Variants in TM2D1 observed in about 807,000 individuals in gnomAD.
TM2D1 encodes TM2 domain containing 1.
Under a neutral mutation model 28.4 loss-of-function variants are expected in TM2D1, and 15 were observed. The ratio of observed to expected loss-of-function variants is 0.53; its 90% CI spans 0.35 to 0.81. The LOEUF (loss-of-function observed/expected upper bound fraction) is 0.81. TM2D1 is among the 40% of genes least tolerant of loss of function. TM2D1 has a pLI of 0.01. For missense variants in TM2D1, 236 were observed against 254.9 expected (o/e 0.93, Z 0.50); for synonymous variants, 93 against 96.2 (o/e 0.97, Z 0.20).
chr1:61,724,830 A>G, intron 1 of TM2D1, 127 bp downstream of exon 1: 11 of 1,075,444 alleles, frequency 1.0e-5, no homozygotes, highest in Non-Finnish European at 8.9e-6. Flanking sequence ...TCCTTCAGTC[A>G]TTAGAAGCCA....
In TM2D1 at chr1:61,715,039, C is replaced by T. The variant is rs150560041; in HGVS notation, c.239-5602G>A. Among the ~76,000 whole-genome samples the T allele has an allele frequency of 1.4e-3, 217 of 152,200 alleles. 2 individuals carry two copies. The highest frequency in any genetic ancestry group is 5.1e-3 in the African/African-American group (211 of 41,550). On this transcript the variant is annotated intron_variant, in intron 2 of 6. Coordinates refer to ENST00000606498, the MANE Select transcript of TM2D1 (RefSeq NM_032027.3). ...ATAGTGGAAAGAGGTACCATCGTGA[C>T]GGGAAAACCACATTGCAATGATTCA...
At chr1:61,716,509 T>G (rs1054222624) in intron 2 of TM2D1, among the ~76,000 whole-genome samples, 2 of 145,648 alleles carry the variant, frequency 1.4e-5, no homozygotes, top group Non-Finnish European at 3.0e-5. Context: ...ATATATAATT[T>G]TATATATGTA....
At chr1:61,709,276 A>C in intron 3 of TM2D1, 53 bp downstream of exon 3, 1 of 1,089,810 alleles carries the variant, frequency 9.2e-7, no homozygotes, top group Non-Finnish European at 1.4e-6. Context: ...CATGCAATGA[A>C]GATATAATAT....
Position 61,703,758 on chromosome 1 carries a change from ATT to A in TM2D1, c.348-2735_348-2734del, listed in dbSNP as rs542875676. On this transcript the variant is annotated intron_variant, in intron 3 of 6. Transcript: ENST00000606498. ...TATATATATATATATATATATATGC[ATT>A]TTTTTTTTTTTTTGAGATGGAGTTT... Among the ~76,000 whole-genome samples, 391 of 90,364 alleles carry A rather than the reference ATT, an allele frequency of 4.3e-3. 3 individuals are homozygous for A. Among genetic ancestry groups the A allele is most frequent in the African/African-American group, 0.015 (358 of 24,624 alleles). The allele number at this position is 90,364 out of a possible 152,430, so 59.3% of individuals were successfully genotyped here. A position where few individuals can be genotyped will look rare whatever the true frequency, so the allele number is the denominator to read the frequency against.
rs1004078072 is a variant in TM2D1 at position 61,709,345 on chromosome 1, T to C, written c.331A>G (p.Ile111Val). The change falls in exon 3 of 7, where the codon ATA becomes GTA. Residue 111 changes from isoleucine to valine, a missense_variant. Coordinates refer to ENST00000606498, the MANE Select transcript of TM2D1 (RefSeq NM_032027.3). Reference protein sequence around the residue: ...TGNEVGFFKPISCRNVNGYSY... With the variant: ...TGNEVGFFKPVSCRNVNGYSY... Reference sequence around the variant, plus strand: ...TGTACTTACACATTTCGGCAAGATATGGGCTTGAAAAAACCAACTTCGTTC... The same window carrying C: ...TGTACTTACACATTTCGGCAAGATACGGGCTTGAAAAAACCAACTTCGTTC... 1.2e-5 allele frequency: 19 copies of C among 1,611,692 alleles called. No individual in the cohort carries two copies. Among genetic ancestry groups the C allele is most frequent in the Admixed American group, 1.7e-5 (1 of 59,960 alleles).
At chr1:61,708,419 T>C (rs1333440432) in intron 3 of TM2D1, among the ~76,000 whole-genome samples, 1 of 152,190 alleles carries the variant, frequency 6.6e-6, no homozygotes, top group Non-Finnish European at 1.5e-5. Context: ...AAACTGATCA[T>C]TTTTGCTGTT....
intron 2 of TM2D1, among the ~76,000 whole-genome samples, chr1:61,713,419 A>G (rs2148061285): frequency 6.7e-6 from 1 of 149,924 alleles, no homozygotes; most frequent in Non-Finnish European, 1.5e-5. Context: ...CATAGGTTGC[A>G]GTAAGCCACA....
chr1:61,717,635 A>G (rs1644531979), intron 2 of TM2D1, among the ~76,000 whole-genome samples: 1 of 152,026 alleles, frequency 6.6e-6, no homozygotes, highest in African/African-American at 2.4e-5. Flanking sequence ...GTGAAGTGGC[A>G]TGATCACAGC....
intron 4 of TM2D1, chr1:61,699,938 A>G: frequency 2.5e-6 from 1 of 405,920 alleles, no homozygotes; most frequent in Non-Finnish European, 4.1e-6. Context: ...TCAACCCCAC[A>G]GTGAAGACTT....
chr1:61,681,230 T>C lies in TM2D1; in HGVS notation c.*140A>G, dbSNP rs1450452100. On this transcript the variant is annotated 3_prime_UTR_variant, in exon 7 of 7. Transcript: ENST00000606498. ...AAATCTCACAATAATATACTTTAAC[T>C]CAACAAAACAAAAACCACAAAAAAT... 5.3e-5 allele frequency: 8 copies of C among 152,338 alleles called. No individual in the cohort carries two copies. Among genetic ancestry groups the C allele is most frequent in the Admixed American group, 5.3e-4 (8 of 15,238 alleles). 9.4% of individuals were successfully genotyped at this position (152,338 alleles called of 1,614,324 possible).
At chr1:61,685,278 C>A (rs939100341) in intron 5 of TM2D1, among the ~76,000 whole-genome samples, 1 of 152,128 alleles carries the variant, frequency 6.6e-6, no homozygotes, top group Admixed American at 6.5e-5. Context: ...TATTTATATT[C>A]TGTTGGATAC....
chr1:61,715,880 C>T (rs1332178195), intron 2 of TM2D1, among the ~76,000 whole-genome samples: 3 of 150,698 alleles, frequency 2.0e-5, no homozygotes, highest in South Asian at 2.1e-4. Flanking sequence ...CGGCTCACTG[C>T]AAGCTCCACC....
chr1:61,708,306 T>G (rs1644454754), intron 3 of TM2D1, among the ~76,000 whole-genome samples: 1 of 152,156 alleles, frequency 6.6e-6, no homozygotes, highest in Non-Finnish European at 1.5e-5. Flanking sequence ...GCAATTGGCC[T>G]CCCAAAGTGC....
At chr1:61,724,888 C>T in intron 1 of TM2D1, 69 bp downstream of exon 1, 7 of 1,487,578 alleles carry the variant, frequency 4.7e-6, no homozygotes, top group Non-Finnish European at 5.4e-6. Flanking sequence ...CCAGTCCTGA[C>T]GGCAGCGACC....
rs947171291 is a variant in TM2D1 at position 61,686,686 on chromosome 1, T to A, written c.514-3140A>T. On this transcript the variant is annotated intron_variant, in intron 5 of 6. Coordinates refer to ENST00000606498, the MANE Select transcript of TM2D1 (RefSeq NM_032027.3). The stretch of plus-strand genomic sequence containing the variant: ...TCTCAAAGAAAAAATAAATAAATAA[T>A]AAAACCTGTTTTAAGCACCCACATA... The A allele has an allele frequency of 9.4e-6, 5 of 530,842 alleles. No individual in the cohort carries two copies. In the East Asian group the frequency reaches 7.4e-4, roughly 78 times the overall value. The allele number at this position is 530,842 out of a possible 1,614,324, so 32.9% of individuals were successfully genotyped here. A position where few individuals can be genotyped will look rare whatever the true frequency, so the allele number is the denominator to read the frequency against.
In TM2D1 at chr1:61,684,763, TTCTC is replaced by T. The variant is rs1005293776; in HGVS notation, c.514-1221_514-1218del. Among the ~76,000 whole-genome samples the T allele has an allele frequency of 4.6e-5, 7 of 152,254 alleles. No homozygotes were observed. In the East Asian group the frequency reaches 1.2e-3, roughly 25 times the overall value. On this transcript the variant is annotated intron_variant, in intron 5 of 6. Coordinates refer to ENST00000606498, the MANE Select transcript of TM2D1 (RefSeq NM_032027.3). Reference sequence around the variant, plus strand: ...TGAATAAGATGATTCGCTAGAAGTTTTCTCTCTTTCATTTGTTTGTTTGTTTGTT... The same window carrying T: ...TGAATAAGATGATTCGCTAGAAGTTTTCTTTCATTTGTTTGTTTGTTTGTT...
intron 3 of TM2D1, among the ~76,000 whole-genome samples, chr1:61,706,186 T>C (rs112774453): frequency 6.6e-5 from 10 of 152,294 alleles, no homozygotes; most frequent in African/African-American, 2.2e-4. Context: ...CATTGTTCTG[T>C]TGAGCAATGC....
intron 5 of TM2D1, among the ~76,000 whole-genome samples, chr1:61,688,169 C>T (rs1644296768): frequency 6.6e-6 from 1 of 152,134 alleles, no homozygotes; most frequent in South Asian, 2.1e-4. Context: ...CCATTTATAT[C>T]CTGAGGAAAA....
chr1:61,725,094 C>A lies in TM2D1; in HGVS notation c.27G>T (p.Pro9=). The A allele has an allele frequency of 6.2e-7, 1 of 1,613,728 alleles. No individual in the cohort carries two copies. ...TGGCCGTCACGGCCTCCGGAGCAGA[C>A]GGACCAGACGGCCAGGCGGCCGCCA... The part of the protein sequence containing the change: MAAAWPSG[P]SAPEAVTARL... The change falls in exon 1 of 7, where the codon CCG becomes CCT. Residue 9 remains proline (P), a synonymous_variant. Coordinates refer to ENST00000606498, the MANE Select transcript of TM2D1 (RefSeq NM_032027.3).
Sources: allele counts gnomAD v4.1 joint callset (sites outside exome capture counted in the v4.1 genomes callset), GRCh38; gene constraint gnomAD v4.1.1; transcripts MANE v1.5; gene names NCBI Gene and HGNC (gene_info 2026-07-23, HGNC 2026-07-21).